The following DAB1 variants were observed in gnomAD, a reference collection of about 807,000 sequenced individuals.
DAB1 encodes DAB adaptor protein 1, also known as disabled homolog 1.
A neutral mutation model predicts 64.6 loss-of-function variants in DAB1; 15 were observed. That is an observed-to-expected ratio of 0.23 (90% confidence interval 0.16 to 0.36). DAB1 has a LOEUF of 0.36. DAB1 is among the 10% of genes least tolerant of loss of function. DAB1 has a pLI of 1.00. For missense variants in DAB1, 596 were observed against 706.7 expected, an observed-to-expected ratio of 0.84 and a Z score of 1.78; for synonymous variants, 235 against 251.9, an observed-to-expected ratio of 0.93 and a Z score of 0.64.
intron 5 of DAB1, among the ~76,000 whole-genome samples, chr1:58,077,218 T>C (rs1204065793): frequency 3.3e-5 from 5 of 152,172 alleles, no homozygotes; most frequent in Non-Finnish European, 7.3e-5. Flanking sequence ...CATATGCTAA[T>C]CCAATCCTTA....
intron 4 of DAB1, among the ~76,000 whole-genome samples, chr1:58,199,702 C>T (rs1204154152): frequency 1.3e-5 from 2 of 152,000 alleles, no homozygotes; most frequent in Admixed American, 1.3e-4. Flanking sequence ...ATTAGAATTG[C>T]CTCTTAAAGT....
intron 6 of DAB1, among the ~76,000 whole-genome samples, chr1:57,805,151 C>T (rs993284592): frequency 2.6e-5 from 4 of 152,184 alleles, no homozygotes; most frequent in Middle Eastern, 3.2e-3. Flanking sequence ...GATTAACCCT[C>T]TACATGCTGC....
At chr1:58,250,766 G>GT (rs1660773989) in intron 4 of DAB1, among the ~76,000 whole-genome samples, 1 of 152,224 alleles carries the variant, frequency 6.6e-6, no homozygotes, top group African/African-American at 2.4e-5. Context: ...AGTTCTCAGT[G>GT]TCTGCTCCCC....
intron 5 of DAB1, 135 bp from the exon 6 acceptor site, chr1:57,071,776 C>T (rs757474068): frequency 7.0e-6 from 6 of 857,022 alleles, no homozygotes; most frequent in African/African-American, 1.7e-5. Flanking sequence ...TTAATTAATT[C>T]TTTGTTTATA....
chr1:57,681,217 T>G (rs538911317), intron 6 of DAB1, among the ~76,000 whole-genome samples: 1 of 152,314 alleles, frequency 6.6e-6, no homozygotes, highest in South Asian at 2.1e-4. Flanking sequence ...AACTCCAATC[T>G]CTGCCTTCAT....
chr1:57,102,367 A>G (rs1654757710), intron 4 of DAB1, among the ~76,000 whole-genome samples: 1 of 152,240 alleles, frequency 6.6e-6, no homozygotes, highest in African/African-American at 2.4e-5. Context: ...GCTTCCAGCA[A>G]CCATCCTGTG....
At chr1:57,353,431 ATGGCAAG>A (rs1396515990) in intron 1 of DAB1, among the ~76,000 whole-genome samples, 2 of 152,112 alleles carry the variant, frequency 1.3e-5, no homozygotes, top group Non-Finnish European at 2.9e-5. Flanking sequence ...CTTGAGATGA[ATGGCAAG>A]TCTTTTGTAC....
At chr1:57,696,694 T>C (rs1646849713) in intron 6 of DAB1, among the ~76,000 whole-genome samples, 1 of 152,108 alleles carries the variant, frequency 6.6e-6, no homozygotes. Context: ...CACTGTCCCC[T>C]ATGTACTCTA....
chr1:57,277,620 A>G (rs533752774), intron 2 of DAB1, among the ~76,000 whole-genome samples: 2 of 152,332 alleles, frequency 1.3e-5, no homozygotes, highest in South Asian at 2.1e-4. Context: ...CTTCAGAATG[A>G]CATTCAATGT....
At chr1:58,512,503 T>C (rs1423688238) in intron 2 of DAB1, among the ~76,000 whole-genome samples, 3 of 152,300 alleles carry the variant, frequency 2.0e-5, no homozygotes, top group East Asian at 1.9e-4. Context: ...AACCTGAATG[T>C]TCATCAGCGA....
At chr1:57,684,645 G>T (rs1646673359) in intron 6 of DAB1, among the ~76,000 whole-genome samples, 1 of 152,078 alleles carries the variant, frequency 6.6e-6, no homozygotes, top group South Asian at 2.1e-4. Flanking sequence ...TCAAAAGAAT[G>T]ACACCTTCTA....
At chr1:57,783,886 G>C (rs1557478955) in intron 6 of DAB1, among the ~76,000 whole-genome samples, 1 of 152,116 alleles carries the variant, frequency 6.6e-6, no homozygotes, top group Non-Finnish European at 1.5e-5. Context: ...CCACCAACTG[G>C]TCATTCCCCA....
At chr1:57,063,053 C>T in intron 8 of DAB1, 110 bp from the exon 9 acceptor site, 1 of 892,560 alleles carries the variant, frequency 1.1e-6, no homozygotes, top group Non-Finnish European at 1.8e-6. Context: ...TGAGAATGGC[C>T]CCAGGGACAA....
At chr1:57,027,169 C>T (rs1048994119) in intron 9 of DAB1, among the ~76,000 whole-genome samples, 2 of 152,148 alleles carry the variant, frequency 1.3e-5, no homozygotes, top group African/African-American at 4.8e-5. Flanking sequence ...GGCAAGTGAG[C>T]AAGCTTTGGG....
At chr1:57,838,135 A>G (rs1652893378) in intron 1 of DAB1, among the ~76,000 whole-genome samples, 1 of 152,022 alleles carries the variant, frequency 6.6e-6, no homozygotes, top group African/African-American at 2.4e-5. Flanking sequence ...CCCTTTTTCT[A>G]TCACTTGGAG....
intron 4 of DAB1, among the ~76,000 whole-genome samples, chr1:58,167,296 T>C (rs757093558): frequency 3.3e-5 from 5 of 151,918 alleles, no homozygotes; most frequent in Non-Finnish European, 5.9e-5. Context: ...AGCTAAAGGA[T>C]TGTAAATGCA....
rs1684346097 is a variant in DAB1, at chr1:57,414,482, C to T, written c.-137+9448G>A. Among the ~76,000 whole-genome samples the T allele has an allele frequency of 1.3e-5, 2 of 152,166 alleles. 1 individual carries two copies. The highest frequency in any genetic ancestry group is 4.1e-4 in the South Asian group (2 of 4,826). On this transcript the variant is annotated intron_variant, in intron 1 of 14. Transcript: ENST00000371236. Reference sequence around the variant, plus strand: ...ATAATGCTATTGCACCCTTAACAGACTACAGTATAGTGTAAACATAACTTT... The same window carrying T: ...ATAATGCTATTGCACCCTTAACAGATTACAGTATAGTGTAAACATAACTTT...
intron 2 of DAB1, among the ~76,000 whole-genome samples, chr1:58,520,900 G>GA (rs1035816541): frequency 1.1e-4 from 16 of 151,572 alleles, no homozygotes; most frequent in Admixed American, 2.6e-4. Context: ...CAAAAAAAAG[G>GA]AAAAAAAATC....
At chr1:57,187,374 T>C (rs929096553) in intron 2 of DAB1, among the ~76,000 whole-genome samples, 20 of 152,206 alleles carry the variant, frequency 1.3e-4, no homozygotes, top group African/African-American at 2.4e-5. Context: ...ACATCATCTA[T>C]GTAACAAGGT....
Sources: gnomAD v4.1 joint callset for allele counts (sites outside exome capture counted in the v4.1 genomes callset) on GRCh38, gnomAD v4.1.1 for gene constraint, MANE v1.5 for transcripts, NCBI Gene and HGNC (gene_info 2026-07-23, HGNC 2026-07-21) for gene names.